UBR1: variants seen among roughly 807,000 people sequenced by gnomAD.
UBR1 encodes the protein ubiquitin protein ligase E3 component n-recognin 1.
A neutral mutation model predicts 242.1 loss-of-function variants in UBR1; 102 were observed. That is an observed-to-expected ratio of 0.42 (90% CI 0.36 to 0.50). UBR1 has a LOEUF of 0.50. Among genes scored for constraint, UBR1 ranks in the 20% least tolerant of loss-of-function variants. The probability of loss-of-function intolerance (pLI) is 0.01; values close to 1 mark genes in which losing one functional copy is unlikely to be tolerated. For missense variants in UBR1, 1,772 were observed against 2,101.8 expected, an observed-to-expected ratio of 0.84 and a Z score of 3.07; for synonymous variants, 675 against 684.8, an observed-to-expected ratio of 0.99 and a Z score of 0.22.
intron 40 of UBR1, among the ~76,000 whole-genome samples, chr15:42,966,534 C>T (rs955423512): frequency 2.6e-5 from 4 of 151,944 alleles, no homozygotes; most frequent in East Asian, 1.9e-4. Flanking sequence ...CTGAATTAGC[C>T]GGGCATGGTG....
At chr15:43,015,189 G>A (rs1375448685) in intron 29 of UBR1, among the ~76,000 whole-genome samples, 5 of 152,378 alleles carry the variant, frequency 3.3e-5, no homozygotes, top group Admixed American at 6.5e-5. Context: ...TGGTGGTTTT[G>A]TGGAACAGAA....
intron 23 of UBR1, chr15:43,026,303 T>C (rs1244362642): frequency 2.6e-6 from 1 of 382,026 alleles, no homozygotes; most frequent in Non-Finnish European, 4.8e-6. Context: ...AATGAGTGTG[T>C]GATGATGAAG....
At chr15:43,065,996 T>C (rs546343761) in intron 6 of UBR1, among the ~76,000 whole-genome samples, 12 of 152,362 alleles carry the variant, frequency 7.9e-5, no homozygotes, top group African/African-American at 2.9e-4. Context: ...TAATTTTTGC[T>C]TTTGTTGCAA....
At chr15:43,049,415 T>C (rs1036059110) in intron 12 of UBR1, among the ~76,000 whole-genome samples, 7 of 152,012 alleles carry the variant, frequency 4.6e-5, no homozygotes, top group Non-Finnish European at 8.8e-5. Flanking sequence ...TACAAAAAAT[T>C]AGCTGGGCGT....
chr15:42,957,933 G>T, intron 44 of UBR1, 80 bp downstream of exon 44: 1 of 1,178,054 alleles, frequency 8.5e-7, no homozygotes, highest in Non-Finnish European at 1.2e-6. Flanking sequence ...ACAAGGAAGT[G>T]TGTTAGTTAT....
chr15:42,952,456 G>A lies in UBR1; in HGVS notation c.4836-8C>T, dbSNP rs779062383. ...TCTGCAGACCGTGGGCACCTCAAAA[G>A]AGAAGAAAACATTTAGAGAATGATG... On this transcript the variant is annotated splice_region_variant and splice_polypyrimidine_tract_variant and intron_variant, in intron 44 of 46. Transcript: ENST00000290650. 34 of 1,614,134 alleles carry A rather than the reference G, an allele frequency of 2.1e-5. No homozygotes were observed. The South Asian group carries it at 3.7e-4, about 18-fold the overall frequency.
At chr15:42,949,338 G>GTAT (rs1205151026) in intron 46 of UBR1, among the ~76,000 whole-genome samples, 1 of 150,510 alleles carries the variant, frequency 6.6e-6, no homozygotes, top group East Asian at 2.0e-4. Flanking sequence ...TAAATGATGA[G>GTAT]TTAATGGGTG....
At position 43,032,715 on chromosome 15, in the gene UBR1, C is replaced by G. The variant is rs1046192220; in HGVS notation, c.2191-84G>C. 4 of 810,228 alleles carry G rather than the reference C, an allele frequency of 4.9e-6. No homozygotes were observed. The Admixed American group carries it at 6.5e-5, about 13-fold the overall frequency. The allele number at this position is 810,228 out of a possible 1,614,324, so 50.2% of individuals were successfully genotyped here. A position where few individuals can be genotyped will look rare whatever the true frequency, so the allele number is the denominator to read the frequency against. On this transcript the variant is annotated intron_variant, in intron 19 of 46. Coordinates refer to ENST00000290650, the MANE Select transcript of UBR1 (RefSeq NM_174916.3). ...TGCATTTCTGGACGAGACTCATGGT[C>G]CATCCAGCCTAGTATTTTTCATCCA... is the stretch of plus-strand genomic sequence containing the variant.
At chr15:42,988,738 A>T in intron 35 of UBR1, 81 bp downstream of exon 35, 17 of 1,557,994 alleles carry the variant, frequency 1.1e-5, no homozygotes, top group Non-Finnish European at 6.2e-6. Context: ...CTGGGCCATC[A>T]GTGAAAAAAA....
intron 11 of UBR1, 104 bp from the exon 12 acceptor site, chr15:43,055,003 T>C: frequency 7.7e-7 from 1 of 1,297,402 alleles, no homozygotes; most frequent in Non-Finnish European, 1.1e-6. Context: ...TTAATAAATG[T>C]TTGTTATTGA....
At chr15:43,058,225 A>T (rs911971085) in intron 10 of UBR1, 116 bp downstream of exon 10, 30 of 851,448 alleles carry the variant, frequency 3.5e-5, no homozygotes, top group Non-Finnish European at 5.0e-5. Context: ...CAAACTTTTG[A>T]CAAAGAAATA....
intron 33 of UBR1, 106 bp from the exon 34 acceptor site, chr15:42,990,226 C>A: frequency 3.6e-6 from 3 of 835,040 alleles, no homozygotes; most frequent in Non-Finnish European, 5.9e-6. Context: ...ACTCTGTCAC[C>A]CATGCTGGAG....
At chr15:43,081,699 TA>T in intron 3 of UBR1, among the ~76,000 whole-genome samples, 1 of 152,264 alleles carries the variant, frequency 6.6e-6, no homozygotes, top group South Asian at 2.1e-4. Flanking sequence ...GTTCTTTGTA[TA>T]ATTTTAGCAC....
In UBR1 at chr15:43,086,020, C is replaced by T. The variant is rs202158437; in HGVS notation, c.302G>A (p.Arg101Lys). Reference protein sequence around the residue: ...KHSGAFQLCGRVFKSGETTYS... With the variant: ...KHSGAFQLCGKVFKSGETTYS... ...GGTTGTCTCTCCACTTTTGAAAACC[C>T]TCCCACAAAGCTGAAATGCTCCACT... Residue 101 changes from arginine (R) to lysine (K), a missense_variant, in exon 2 of 47, where the codon AGG becomes AAG. Around this residue, in one of 3 missense-constraint regions of UBR1, gnomAD observed 734 missense variants for 893.3 expected, o/e 0.82. Transcript: ENST00000290650. The T allele has an allele frequency of 6.3e-5, 101 of 1,613,890 alleles. No homozygotes were observed. The highest frequency in any genetic ancestry group is 7.7e-5 in the Non-Finnish European group (91 of 1,179,998).
chr15:43,001,810 T>A (rs1311250537), intron 32 of UBR1, among the ~76,000 whole-genome samples: 1 of 152,194 alleles, frequency 6.6e-6, no homozygotes, highest in Admixed American at 6.5e-5. Context: ...TTAATTTTTT[T>A]AGTTAACATT....
At chr15:42,977,034 A>G (rs2032302432) in intron 38 of UBR1, among the ~76,000 whole-genome samples, 167 bp from the exon 39 acceptor site, 1 of 152,238 alleles carries the variant, frequency 6.6e-6, no homozygotes, top group South Asian at 2.1e-4. Flanking sequence ...TTAGAATATA[A>G]TGTACCATAA....
chr15:43,051,977 C>T (rs1429770658), intron 12 of UBR1, among the ~76,000 whole-genome samples: 3 of 152,186 alleles, frequency 2.0e-5, no homozygotes, highest in African/African-American at 7.2e-5. Context: ...CATCTCTTTT[C>T]TAAGTTGCAT....
chr15:42,967,105 CAG>C (rs535283094), intron 40 of UBR1, among the ~76,000 whole-genome samples: 188 of 151,384 alleles, frequency 1.2e-3, no homozygotes, highest in African/African-American at 4.5e-3. Context: ...TTAGTGGAGA[CAG>C]GGGTCTCACC....
chr15:43,054,714 C>G, intron 12 of UBR1, 28 bp downstream of exon 12: 1 of 1,612,954 alleles, frequency 6.2e-7, no homozygotes, highest in Non-Finnish European at 8.5e-7. Context: ...TTAACAGGTG[C>G]CCTCACCTTT....
Sources: gnomAD v4.1 joint callset for allele counts (sites outside exome capture counted in the v4.1 genomes callset) on GRCh38, gnomAD v4.1.1 for gene constraint, gnomAD v4.1.1 regional missense constraint, MANE v1.5 for transcripts, NCBI Gene and HGNC (gene_info 2026-07-23, HGNC 2026-07-21) for gene names.